Variants in SLC24A2 observed in about 807,000 individuals in gnomAD.
The protein encoded by SLC24A2 is solute carrier family 24 member 2, also known as sodium/potassium/calcium exchanger 2.
SLC24A2 carries 36 observed loss-of-function variants against 62.0 expected under a neutral mutation model. The observed-to-expected ratio is 0.58, with a 90% CI of 0.44 to 0.77. The LOEUF (loss-of-function observed/expected upper bound fraction) is 0.77, where lower values mean the gene tolerates loss of function less well. SLC24A2 is among the 30% of genes least tolerant of loss of function. SLC24A2 has a pLI of 0.00. For synonymous variants in SLC24A2, 358 were observed against 294.0 expected (o/e 1.22, Z -2.23); for missense variants, 846 against 817.9 (o/e 1.03, Z -0.42).
chr9:20,121,881 AC>A, the SLC24A2 span, among the ~76,000 whole-genome samples: 1 of 152,208 alleles, frequency 6.6e-6, no homozygotes, highest in African/African-American at 2.4e-5. Flanking sequence ...TAATTATATT[AC>A]TTTCATCCTT....
chr9:19,751,614 G>GA (rs1015075063), intron 2 of SLC24A2, among the ~76,000 whole-genome samples: 28 of 151,988 alleles, frequency 1.8e-4, no homozygotes, highest in African/African-American at 6.8e-4. Flanking sequence ...ATTTTTTGGG[G>GA]AAAAAAGGGA....
At chr9:19,587,226 T>C (rs1472019557) in intron 5 of SLC24A2, among the ~76,000 whole-genome samples, 4 of 152,200 alleles carry the variant, frequency 2.6e-5, no homozygotes, top group Admixed American at 6.5e-5. Context: ...GACCTATATA[T>C]AAAAAACAGA....
the SLC24A2 span, among the ~76,000 whole-genome samples, chr9:19,857,888 G>C: frequency 3.4e-4 from 52 of 152,008 alleles, no homozygotes; most frequent in African/African-American, 1.2e-3. Context: ...CATTTCACTA[G>C]CTAGAACCTC....
chr9:19,878,626 C>T, the SLC24A2 span, among the ~76,000 whole-genome samples: 1 of 151,872 alleles, frequency 6.6e-6, no homozygotes, highest in Non-Finnish European at 1.5e-5. Flanking sequence ...GAGTTCTTAC[C>T]AGATCTGGTT....
chr9:19,850,955 A>G, the SLC24A2 span, among the ~76,000 whole-genome samples: 2 of 25,476 alleles, frequency 7.9e-5, no homozygotes, highest in Admixed American at 1.0e-3. Flanking sequence ...ACATATATAT[A>G]TATATATATA....
At chr9:20,069,222 G>A in the SLC24A2 span, among the ~76,000 whole-genome samples, 2 of 152,082 alleles carry the variant, frequency 1.3e-5, no homozygotes, top group South Asian at 4.2e-4. Flanking sequence ...ACTTAGTAAG[G>A]GATGCTTTCA....
the SLC24A2 span, among the ~76,000 whole-genome samples, chr9:20,162,829 C>T: frequency 7.9e-5 from 12 of 152,050 alleles, no homozygotes; most frequent in East Asian, 1.9e-4. Flanking sequence ...GTTCAATATA[C>T]GCAAAACAAT....
chr9:20,139,068 T>A, the SLC24A2 span, among the ~76,000 whole-genome samples: 1 of 152,364 alleles, frequency 6.6e-6, no homozygotes, highest in Middle Eastern at 3.4e-3. Context: ...AATTCACTTC[T>A]ACATTGCTAA....
intron 2 of SLC24A2, among the ~76,000 whole-genome samples, chr9:19,645,278 C>A (rs1271293834): frequency 2.0e-5 from 3 of 152,098 alleles, no homozygotes; most frequent in African/African-American, 7.2e-5. Context: ...GAATTTCTGC[C>A]ATTTTAGGAA....
chr9:20,094,692 G>C, the SLC24A2 span, among the ~76,000 whole-genome samples: 1 of 152,094 alleles, frequency 6.6e-6, no homozygotes, highest in Non-Finnish European at 1.5e-5. Flanking sequence ...AAATTCAAAA[G>C]TGAAATAAAA....
chr9:19,758,885 G>C (rs1822226506), intron 2 of SLC24A2, among the ~76,000 whole-genome samples: 1 of 152,130 alleles, frequency 6.6e-6, no homozygotes, highest in Non-Finnish European at 1.5e-5. Context: ...GTTCTACTAA[G>C]GTAAAGTCGT....
chr9:20,006,254 T>C, the SLC24A2 span, among the ~76,000 whole-genome samples: 1 of 151,946 alleles, frequency 6.6e-6, no homozygotes, highest in Non-Finnish European at 1.5e-5. Context: ...TCCATATTCA[T>C]GTTATTAAAT....
the SLC24A2 span, among the ~76,000 whole-genome samples, chr9:20,079,025 A>C: frequency 6.6e-6 from 1 of 152,208 alleles, no homozygotes; most frequent in Non-Finnish European, 1.5e-5. Flanking sequence ...CCTACTTAGA[A>C]AAAGAGTCTT....
At chr9:19,542,807 G>A (rs1834342593) in intron 8 of SLC24A2, among the ~76,000 whole-genome samples, 1 of 152,164 alleles carries the variant, frequency 6.6e-6, no homozygotes, top group South Asian at 2.1e-4. Context: ...TGGTGCATAA[G>A]CTTTTTGATG....
intron 8 of SLC24A2, among the ~76,000 whole-genome samples, chr9:19,532,094 G>A (rs370803841): frequency 6.6e-6 from 1 of 150,912 alleles, no homozygotes; most frequent in African/African-American, 2.5e-5. Flanking sequence ...TTATTTATTT[G>A]TTTGTTTGAC....
chr9:19,927,214 A>G, the SLC24A2 span: 2 of 152,262 alleles, frequency 1.3e-5, no homozygotes, highest in Non-Finnish European at 2.9e-5. Context: ...TAAGTCCCCA[A>G]CCTGTGGTCG....
At chr9:19,705,505 C>A (rs1016393570) in intron 2 of SLC24A2, 10 of 222,440 alleles carry the variant, frequency 4.5e-5, no homozygotes, top group Non-Finnish European at 7.9e-5. Context: ...GGAAGAAGCA[C>A]AGAAAACTTC....
chr9:19,525,226 A>C (rs1165869966), intron 9 of SLC24A2, among the ~76,000 whole-genome samples: 3 of 152,016 alleles, frequency 2.0e-5, no homozygotes, highest in African/African-American at 7.3e-5. Context: ...GAATAATATA[A>C]AATATCATGT....
the SLC24A2 span, among the ~76,000 whole-genome samples, chr9:20,181,018 C>A: frequency 7.2e-5 from 11 of 152,088 alleles, no homozygotes; most frequent in Admixed American, 6.5e-5. Context: ...CTGCCACCTT[C>A]AGCACATGTT....
Sources: allele counts gnomAD v4.1 joint callset (sites outside exome capture counted in the v4.1 genomes callset), GRCh38; gene constraint gnomAD v4.1.1; transcripts MANE v1.5; gene names NCBI Gene and HGNC (gene_info 2026-07-23, HGNC 2026-07-21).